The following SOX5 variants were observed in gnomAD, a reference collection of about 807,000 sequenced individuals.
The protein encoded by SOX5 is SRY-box transcription factor 5, also known as transcription factor SOX-5.
SOX5 carries 9 observed loss-of-function variants against 92.0 expected under a neutral mutation model. The observed-to-expected ratio is 0.10, with a 90% confidence interval of 0.06 to 0.17. The LOEUF (loss-of-function observed/expected upper bound fraction) is 0.17, where lower values mean the gene tolerates loss of function less well. Among genes scored for constraint, SOX5 ranks in the 10% least tolerant of loss-of-function variants. The pLI is 1.00. For missense variants in SOX5, 642 were observed against 944.5 expected, an observed-to-expected ratio of 0.68 and a Z score of 4.20; for synonymous variants, 344 against 336.3, an observed-to-expected ratio of 1.02 and a Z score of -0.25.
intron 1 of SOX5, among the ~76,000 whole-genome samples, chr12:24,377,515 T>C (rs483227): frequency 0.96 from 146,076 of 152,320 alleles, 70,299 homozygotes; most frequent in East Asian, 1. Flanking sequence ...GGTATCAGTG[T>C]ATAGACGCAA....
chr12:23,534,438 C>G lies in SOX5; in HGVS notation c.2073G>C (p.Leu691=). The G allele has an allele frequency of 6.2e-7, 1 of 1,614,064 alleles. No homozygotes were observed. Among genetic ancestry groups the G allele is most frequent in the African/African-American group, 1.3e-5 (1 of 75,034 alleles). Residue 691 remains leucine, a synonymous_variant, in exon 15 of 15, where the codon CTG becomes CTC. Transcript: ENST00000451604. ...TAGACACGCTTGAGTGCTCCGAGGG[C>G]AGGTGAGGGGAGGGCATCCCAGCCA... ...IAMAGMPSPH[L]PSEHSSVSSS...
intron 1 of SOX5, among the ~76,000 whole-genome samples, chr12:24,386,214 A>T (rs1194402984): frequency 1.3e-5 from 2 of 152,144 alleles, no homozygotes; most frequent in African/African-American, 4.8e-5. Context: ...ATGTTAAGTG[A>T]GGATTTACTC....
At chr12:24,261,720 T>C (rs1440166600) in intron 3 of SOX5, among the ~76,000 whole-genome samples, 2 of 152,244 alleles carry the variant, frequency 1.3e-5, no homozygotes, top group Non-Finnish European at 2.9e-5. Context: ...ACACGGTTTT[T>C]TCTGTCTCTG....
chr12:23,853,102 T>G (rs2096650368), intron 2 of SOX5, among the ~76,000 whole-genome samples: 1 of 149,784 alleles, frequency 6.7e-6, no homozygotes, highest in Admixed American at 6.7e-5. Context: ...TCAGCACACA[T>G]GCAAAAATTA....
intron 3 of SOX5, among the ~76,000 whole-genome samples, chr12:24,246,348 G>A (rs906150837): frequency 6.0e-5 from 9 of 149,168 alleles, no homozygotes; most frequent in African/African-American, 1.2e-4. Context: ...GTCATTGTCC[G>A]TCATATTAAA....
chr12:24,199,922 T>C (rs1251263643), intron 4 of SOX5, among the ~76,000 whole-genome samples: 1 of 151,994 alleles, frequency 6.6e-6, no homozygotes, highest in African/African-American at 2.4e-5. Flanking sequence ...TCCAAAACTA[T>C]AGGCAGATTG....
intron 1 of SOX5, among the ~76,000 whole-genome samples, chr12:24,378,416 A>C (rs1482036922): frequency 1.3e-5 from 2 of 152,216 alleles, no homozygotes; most frequent in Non-Finnish European, 2.9e-5. Context: ...TTTGCAATTC[A>C]AACAGTCTTT....
rs1169303129 is a variant in SOX5, at chr12:23,764,743, G to A, written c.482-9019C>T. ...AGTGGGTGGTAGAGATAAAGAAGATGCAAAATGTATAGAAATAGAAAACCA... is the reference window on the plus strand; with the variant it reads ...AGTGGGTGGTAGAGATAAAGAAGATACAAAATGTATAGAAATAGAAAACCA... On this transcript the variant is annotated intron_variant, in intron 3 of 14. Transcript: ENST00000451604. Among the ~76,000 whole-genome samples the A allele has an allele frequency of 3.3e-5, 5 of 152,130 alleles. No individual in the cohort carries two copies. In the East Asian group the frequency reaches 9.6e-4, roughly 29 times the overall value.
chr12:23,529,884 T>C lies in SOX5; in HGVS notation c.*4335A>G, dbSNP rs535483060. The C allele has an allele frequency of 2.0e-5, 3 of 152,342 alleles. No individual in the cohort carries two copies. The highest frequency in any genetic ancestry group is 7.2e-5 in the African/African-American group (3 of 41,588). 9.4% of individuals were successfully genotyped at this position (152,342 alleles called of 1,614,324 possible). ...CTCTTTTCTATTTTTTTTCCATTTT[T>C]ACTTGTAAAATCCAAAATATTAGAA... is the stretch of plus-strand genomic sequence containing the variant. On this transcript the variant is annotated 3_prime_UTR_variant, in exon 15 of 15. Coordinates refer to ENST00000451604, the MANE Select transcript of SOX5 (RefSeq NM_006940.6).
intron 1 of SOX5, among the ~76,000 whole-genome samples, chr12:24,449,623 C>A (rs1394042406): frequency 2.0e-5 from 3 of 152,012 alleles, no homozygotes; most frequent in African/African-American, 7.2e-5. Flanking sequence ...CAAAACAGGG[C>A]CTGGAAGATA....
chr12:23,809,032 T>C (rs1278744456), intron 3 of SOX5, among the ~76,000 whole-genome samples: 1 of 152,202 alleles, frequency 6.6e-6, no homozygotes, highest in Non-Finnish European at 1.5e-5. Context: ...TGTATTCATA[T>C]GCTTTATTAG....
chr12:23,879,745 C>A (rs1358400637), intron 2 of SOX5, among the ~76,000 whole-genome samples: 1 of 152,134 alleles, frequency 6.6e-6, no homozygotes, highest in Non-Finnish European at 1.5e-5. Context: ...ATATACCTCA[C>A]AAGCTAAATA....
At chr12:24,435,701 G>A (rs1378210592) in intron 1 of SOX5, among the ~76,000 whole-genome samples, 2 of 152,182 alleles carry the variant, frequency 1.3e-5, no homozygotes, top group Non-Finnish European at 2.9e-5. Flanking sequence ...TAATACACAA[G>A]CCATAATATA....
At chr12:23,670,671 C>A (rs938789241) in intron 6 of SOX5, among the ~76,000 whole-genome samples, 27 of 151,866 alleles carry the variant, frequency 1.8e-4, no homozygotes, top group African/African-American at 6.0e-4. Flanking sequence ...GAAAATCAGG[C>A]CTGACAGAAG....
chr12:23,681,319 C>T (rs1473167999), intron 6 of SOX5, among the ~76,000 whole-genome samples: 4 of 151,374 alleles, frequency 2.6e-5, no homozygotes, highest in African/African-American at 9.7e-5. Flanking sequence ...ATAAAGAATG[C>T]TAAAAATTAA....
chr12:23,899,181 G>A (rs1470103754), intron 1 of SOX5, among the ~76,000 whole-genome samples: 2 of 151,946 alleles, frequency 1.3e-5, no homozygotes, highest in East Asian at 1.9e-4. Context: ...AGGCTGAGGC[G>A]GGCAGATCAC....
intron 11 of SOX5, among the ~76,000 whole-genome samples, chr12:23,552,686 A>AG (rs1565752599): frequency 6.6e-6 from 1 of 151,972 alleles, no homozygotes; most frequent in African/African-American, 2.4e-5. Flanking sequence ...GAACCAGTGA[A>AG]GGAAGAGTGA....
chr12:24,126,678 C>G (rs1358900722), intron 4 of SOX5, among the ~76,000 whole-genome samples: 1 of 152,152 alleles, frequency 6.6e-6, no homozygotes, highest in African/African-American at 2.4e-5. Flanking sequence ...GCTAAAATAA[C>G]TACTTTGGGT....
intron 4 of SOX5, among the ~76,000 whole-genome samples, chr12:24,011,461 C>A (rs1230194124): frequency 6.6e-6 from 1 of 152,128 alleles, no homozygotes; most frequent in Non-Finnish European, 1.5e-5. Flanking sequence ...TTTCCTAATT[C>A]TCTCCCTTCT....
Sources: gnomAD v4.1 joint callset for allele counts (sites outside exome capture counted in the v4.1 genomes callset) on GRCh38, gnomAD v4.1.1 for gene constraint, MANE v1.5 for transcripts, NCBI Gene and HGNC (gene_info 2026-07-23, HGNC 2026-07-21) for gene names.